ARHGAP26: variants seen among roughly 807,000 people sequenced by gnomAD.
ARHGAP26 encodes Rho GTPase activating protein 26, also known as rho GTPase-activating protein 26.
ARHGAP26 carries 38 observed loss-of-function variants against 104.8 expected under a neutral mutation model. The ratio of observed to expected loss-of-function variants is 0.36; its 90% confidence interval spans 0.28 to 0.48. The LOEUF (loss-of-function observed/expected upper bound fraction) is 0.48. ARHGAP26 is among the 20% of genes least tolerant of loss of function. The pLI, the probability that ARHGAP26 is intolerant of heterozygous loss-of-function variation, is 0.99. For missense variants in ARHGAP26, 704 were observed against 947.9 expected (o/e 0.74, Z 3.38); for synonymous variants, 341 against 340.0 (o/e 1.00, Z -0.03).
At chr5:143,092,990 A>G (rs1017020829) in intron 17 of ARHGAP26, among the ~76,000 whole-genome samples, 5 of 152,204 alleles carry the variant, frequency 3.3e-5, no homozygotes, top group African/African-American at 1.2e-4. Flanking sequence ...AGTTCCTCCT[A>G]GGTCTGCTCG....
chr5:143,117,004 G>A (rs1026594197), intron 17 of ARHGAP26, among the ~76,000 whole-genome samples: 9 of 152,214 alleles, frequency 5.9e-5, no homozygotes, highest in African/African-American at 1.9e-4. Context: ...CTCTGCAGCA[G>A]CCAAAGGAAG....
At chr5:142,780,815 G>A (rs11739631) in intron 1 of ARHGAP26, among the ~76,000 whole-genome samples, 2 of 152,142 alleles carry the variant, frequency 1.3e-5, no homozygotes, top group Non-Finnish European at 2.9e-5. Context: ...TAGGGGACAC[G>A]TTGCCTATCA....
At chr5:142,805,582 T>C (rs147048948) in intron 1 of ARHGAP26, among the ~76,000 whole-genome samples, 1 of 152,342 alleles carries the variant, frequency 6.6e-6, no homozygotes, top group East Asian at 1.9e-4. Flanking sequence ...ATTTTACTTT[T>C]AGCAGGTTTT....
chr5:142,888,369 A>G (rs187177035), intron 5 of ARHGAP26, among the ~76,000 whole-genome samples: 1 of 152,296 alleles, frequency 6.6e-6, no homozygotes, highest in African/African-American at 2.4e-5. Flanking sequence ...AATTAGAGAG[A>G]GGGAAGGACC....
intron 22 of ARHGAP26, 40 bp downstream of exon 22, chr5:143,214,128 CGGGGG>C: frequency 1.2e-5 from 7 of 595,302 alleles, no homozygotes; most frequent in East Asian, 3.6e-5. Flanking sequence ...GGGCGGGGGG[CGGGGG>C]CAAGGGGAGC....
At chr5:143,160,586 G>T (rs531044851) in intron 20 of ARHGAP26, among the ~76,000 whole-genome samples, 2 of 151,890 alleles carry the variant, frequency 1.3e-5, no homozygotes, top group African/African-American at 4.8e-5. Flanking sequence ...TTAGGCTCAA[G>T]CGATCCTTCC....
intron 22 of ARHGAP26, among the ~76,000 whole-genome samples, chr5:143,218,445 T>C (rs1480767846): frequency 6.6e-6 from 1 of 152,238 alleles, no homozygotes; most frequent in East Asian, 1.9e-4. Flanking sequence ...TGAGTGAATG[T>C]ACTTTAATTA....
At chr5:142,900,955 G>A (rs1159829884) in intron 6 of ARHGAP26, among the ~76,000 whole-genome samples, 1 of 152,146 alleles carries the variant, frequency 6.6e-6, no homozygotes, top group East Asian at 1.9e-4. Context: ...TGATAGAGGT[G>A]AGGCACTGGT....
At chr5:143,151,719 G>C (rs1313126569) in intron 20 of ARHGAP26, among the ~76,000 whole-genome samples, 1 of 152,182 alleles carries the variant, frequency 6.6e-6, no homozygotes, top group South Asian at 2.1e-4. Context: ...ACTTTGGGAG[G>C]CCAAGGCAGG....
chr5:143,069,248 T>C (rs1259909036), intron 17 of ARHGAP26, among the ~76,000 whole-genome samples: 3 of 152,192 alleles, frequency 2.0e-5, no homozygotes, highest in African/African-American at 7.2e-5. Context: ...TTACTCGTTG[T>C]TTTCTTCTCC....
chr5:143,079,737 C>A (rs752958562), intron 17 of ARHGAP26, among the ~76,000 whole-genome samples: 19 of 152,174 alleles, frequency 1.2e-4, no homozygotes, highest in Admixed American at 3.3e-4. Context: ...GGACTCGTTT[C>A]CCTATAGCCT....
intron 20 of ARHGAP26, among the ~76,000 whole-genome samples, chr5:143,190,627 AT>A (rs1805799410): frequency 6.6e-6 from 1 of 152,228 alleles, no homozygotes; most frequent in African/African-American, 2.4e-5. Flanking sequence ...TAGATTTAAC[AT>A]CAAAAGCACA....
At chr5:142,928,849 A>G (rs1183205605) in intron 10 of ARHGAP26, among the ~76,000 whole-genome samples, 1 of 151,874 alleles carries the variant, frequency 6.6e-6, no homozygotes, top group Non-Finnish European at 1.5e-5. Context: ...ATAGGCTCAC[A>G]ATTCTTTGTA....
chr5:142,988,680 G>A lies in ARHGAP26; in HGVS notation c.1108-25400G>A, dbSNP rs9763697. On this transcript the variant is annotated intron_variant, in intron 11 of 22. Coordinates refer to ENST00000645722, the MANE Select transcript of ARHGAP26 (RefSeq NM_001135608.3). ...GCTTTAAATGTGTCCCAGAGATTCT[G>A]GTATGTTGTGTCTTTGTTCTCATTG... Among the ~76,000 whole-genome samples the A allele has an allele frequency of 8.7e-3, 1,330 of 152,208 alleles. 25 individuals carry two copies. Among genetic ancestry groups the A allele is most frequent in the African/African-American group, 0.03 (1,249 of 41,514 alleles).
At chr5:143,048,536 C>T (rs1184980734) in intron 14 of ARHGAP26, among the ~76,000 whole-genome samples, 1 of 151,120 alleles carries the variant, frequency 6.6e-6, no homozygotes, top group Admixed American at 6.6e-5. Context: ...GCTGGAATTA[C>T]AGGTGTGAGC....
chr5:143,182,028 G>A (rs1453517062), intron 20 of ARHGAP26, among the ~76,000 whole-genome samples: 6 of 152,044 alleles, frequency 3.9e-5, no homozygotes, highest in African/African-American at 7.2e-5. Flanking sequence ...ATCCATTCTC[G>A]CTGTGAGGCC....
intron 1 of ARHGAP26, among the ~76,000 whole-genome samples, chr5:142,817,923 T>G (rs986903881): frequency 6.6e-6 from 1 of 152,316 alleles, no homozygotes; most frequent in Middle Eastern, 3.4e-3. Context: ...TGTGATTCAT[T>G]TGTGAACTTT....
intron 14 of ARHGAP26, among the ~76,000 whole-genome samples, chr5:143,048,295 C>G (rs1421822935): frequency 2.6e-5 from 4 of 152,080 alleles, no homozygotes; most frequent in Admixed American, 6.6e-5. Context: ...GGGTCTCACT[C>G]TTTCACCCAC....
chr5:142,804,481 C>G (rs563137291), intron 1 of ARHGAP26, among the ~76,000 whole-genome samples: 5 of 152,040 alleles, frequency 3.3e-5, no homozygotes, highest in Non-Finnish European at 7.4e-5. Flanking sequence ...TAGGTTTGAA[C>G]AGATTTTATT....
Sources: gnomAD v4.1 joint callset for allele counts (sites outside exome capture counted in the v4.1 genomes callset) on GRCh38, gnomAD v4.1.1 for gene constraint, MANE v1.5 for transcripts, NCBI Gene and HGNC (gene_info 2026-07-23, HGNC 2026-07-21) for gene names.